SLC30A7: variants seen among roughly 807,000 people sequenced by gnomAD.
SLC30A7 encodes solute carrier family 30 member 7.
Under a neutral mutation model 46.0 loss-of-function variants are expected in SLC30A7, and 35 were observed. That is an observed-to-expected ratio of 0.76 (90% confidence interval 0.58 to 1.01). The LOEUF (loss-of-function observed/expected upper bound fraction) is 1.01. SLC30A7 is among the 50% of genes least tolerant of loss of function. SLC30A7 has a pLI of 0.00. For synonymous variants in SLC30A7, 147 were observed against 157.8 expected (o/e 0.93, Z 0.51); for missense variants, 464 against 451.1 (o/e 1.03, Z -0.26).
the SLC30A7 span, chr1:100,990,369 TG>T: frequency 1.3e-6 from 2 of 1,587,232 alleles, no homozygotes; most frequent in Admixed American, 3.3e-5. Context: ...AATCCATATA[TG>T]GCTGAAATTT....
intron 1 of SLC30A7, 35 bp from the exon 2 acceptor site, chr1:100,896,535 C>G (rs370447361): frequency 4.6e-5 from 74 of 1,594,198 alleles, no homozygotes; most frequent in Non-Finnish European, 5.8e-5. Flanking sequence ...ACCTCCTTAA[C>G]TCTCCCGGCT....
rs1022602478 is a variant in SLC30A7, at chr1:100,980,375, T to C, written c.*5518T>C. The C allele has an allele frequency of 3.3e-5, 5 of 152,136 alleles. No homozygotes were observed. The highest frequency in any genetic ancestry group is 5.9e-5 in the Non-Finnish European group (4 of 67,968). 9.4% of individuals were successfully genotyped at this position (152,136 alleles called of 1,614,324 possible). ...GTAATCTATGCTTAAACTTAACATT[T>C]AATGTTGACTTCTTACAACAGCCTT... On this transcript the variant is annotated 3_prime_UTR_variant, in exon 11 of 11. Transcript: ENST00000357650.
downstream of SLC30A7, among the ~76,000 whole-genome samples, chr1:100,983,647 C>G (rs1657107515): frequency 6.6e-6 from 1 of 152,192 alleles, no homozygotes; most frequent in South Asian, 2.1e-4. Flanking sequence ...GAAAGAGCAA[C>G]TGCTAAAACT....
rs370596590 is a variant in SLC30A7 at position 100,930,560 on chromosome 1, C to A, written c.842+8719C>A. On this transcript the variant is annotated intron_variant, in intron 8 of 10. Transcript: ENST00000357650. ...AGAGTTGAATAGAATAAATTTGTGG[C>A]CTGTATTAAGCAAAAAGTAAGCATT... Among the ~76,000 whole-genome samples the A allele has an allele frequency of 1.1e-4, 16 of 151,300 alleles. No homozygotes were observed. In the East Asian group the frequency reaches 2.9e-3, roughly 27 times the overall value.
intron 7 of SLC30A7, among the ~76,000 whole-genome samples, chr1:100,920,064 C>A (rs1553237271): frequency 6.6e-6 from 1 of 151,954 alleles, no homozygotes; most frequent in Non-Finnish European, 1.5e-5. Flanking sequence ...GTTTTAATGA[C>A]ACTTACTAAT....
chr1:100,960,985 C>T lies in SLC30A7; in HGVS notation c.843-843C>T, dbSNP rs373600008. On this transcript the variant is annotated intron_variant, in intron 8 of 10. Coordinates refer to ENST00000357650, the MANE Select transcript of SLC30A7 (RefSeq NM_133496.5). ...TTTTTTTTTTTTAGACGGAGAGTCT[C>T]GCTCTGTCACCCAGGCTAGAGTGCA... 2.2e-4 allele frequency among the ~76,000 whole-genome samples: 30 copies of T among 136,176 alleles called. No homozygotes were observed. The East Asian group carries it at 3.4e-3, about 16-fold the overall frequency. The allele number at this position is 136,176 out of a possible 152,430, so 89.3% of individuals were successfully genotyped here. A position where few individuals can be genotyped will look rare whatever the true frequency, so the allele number is the denominator to read the frequency against.
chr1:100,990,461 G>C, the SLC30A7 span: 1 of 1,614,072 alleles, frequency 6.2e-7, no homozygotes, highest in Non-Finnish European at 8.5e-7. Flanking sequence ...ATGGAAAACA[G>C]ACTTAGCATC....
chr1:100,907,116 C>T (rs766572013), intron 3 of SLC30A7, 151 bp downstream of exon 3: 2 of 552,596 alleles, frequency 3.6e-6, no homozygotes, highest in African/African-American at 1.9e-5. Context: ...GAGTTCCTAC[C>T]TCCCCAAGGG....
the SLC30A7 span, among the ~76,000 whole-genome samples, chr1:100,991,453 A>C: frequency 7.2e-5 from 11 of 152,204 alleles, no homozygotes; most frequent in Admixed American, 7.2e-4. Context: ...TCACGACTTT[A>C]ACATGGCCTA....
In SLC30A7 at chr1:100,973,184, A is replaced by C. The variant is rs1656254130; in HGVS notation, c.1084-1626A>C. 2.6e-5 allele frequency among the ~76,000 whole-genome samples: 4 copies of C among 152,124 alleles called. No individual in the cohort carries two copies. In the South Asian group the frequency reaches 8.3e-4, roughly 32 times the overall value. ...AGTTCCTGAATCCTTTCAAGCACTC[A>C]GTATTGTACAGAGCCCTCCTACCTG... On this transcript the variant is annotated intron_variant, in intron 10 of 10. Transcript: ENST00000357650.
intron 3 of SLC30A7, among the ~76,000 whole-genome samples, chr1:100,910,061 T>C (rs899541206): frequency 4.6e-5 from 7 of 152,162 alleles, no homozygotes; most frequent in African/African-American, 1.7e-4. Flanking sequence ...ATACATACTA[T>C]GTTGGAATGC....
intron 9 of SLC30A7, among the ~76,000 whole-genome samples, chr1:100,962,602 GCTTGAAAGC>G (rs1448488748): frequency 6.6e-6 from 1 of 152,202 alleles, no homozygotes; most frequent in Admixed American, 6.5e-5. Flanking sequence ...GGGAAGAATG[GCTTGAAAGC>G]CTGGAGAGAA....
chr1:100,950,556 T>C (rs981679945), intron 8 of SLC30A7, among the ~76,000 whole-genome samples: 2 of 152,200 alleles, frequency 1.3e-5, no homozygotes, highest in Admixed American at 6.5e-5. Context: ...TTTCACATTG[T>C]TTTCTATCAC....
intron 8 of SLC30A7, among the ~76,000 whole-genome samples, chr1:100,923,778 C>A (rs957973919): frequency 3.3e-5 from 5 of 152,102 alleles, no homozygotes; most frequent in Admixed American, 3.3e-4. Flanking sequence ...GATCCTGTCT[C>A]TATATAAAAA....
chr1:100,960,609 C>G (rs1016441017), intron 8 of SLC30A7, among the ~76,000 whole-genome samples: 1 of 152,068 alleles, frequency 6.6e-6, no homozygotes, highest in African/African-American at 2.4e-5. Flanking sequence ...GATGGATGTT[C>G]TTTTTATCTT....
chr1:100,900,776 C>T (rs1324808482), intron 2 of SLC30A7, among the ~76,000 whole-genome samples: 1 of 152,156 alleles, frequency 6.6e-6, no homozygotes, highest in Admixed American at 6.5e-5. Context: ...CTTTCCACAT[C>T]ATGGAAAGTA....
At chr1:100,987,497 T>C in the SLC30A7 span, among the ~76,000 whole-genome samples, 3 of 152,186 alleles carry the variant, frequency 2.0e-5, no homozygotes, top group East Asian at 3.9e-4. Context: ...CCCAACCATT[T>C]TCTTTTAATG....
intron 10 of SLC30A7, among the ~76,000 whole-genome samples, chr1:100,966,589 G>GA: frequency 6.6e-6 from 1 of 151,364 alleles, no homozygotes; most frequent in Admixed American, 6.6e-5. Flanking sequence ...CGGTCTCAAA[G>GA]AAAAAAGAAA....
At chr1:100,945,281 T>C (rs1050286752) in intron 8 of SLC30A7, among the ~76,000 whole-genome samples, 4 of 152,236 alleles carry the variant, frequency 2.6e-5, no homozygotes, top group African/African-American at 9.6e-5. Context: ...GCAGAAGCTC[T>C]TTAGTTTAAT....
Sources: gnomAD v4.1 joint callset for allele counts (sites outside exome capture counted in the v4.1 genomes callset) on GRCh38, gnomAD v4.1.1 for gene constraint, MANE v1.5 for transcripts, NCBI Gene and HGNC (gene_info 2026-07-23, HGNC 2026-07-21) for gene names.